MTMR12: variants seen among roughly 807,000 people sequenced by gnomAD.
MTMR12 encodes the protein myotubularin related protein 12.
MTMR12 carries 33 observed loss-of-function variants against 96.7 expected under a neutral mutation model. The ratio of observed to expected loss-of-function variants is 0.34; its 90% CI spans 0.26 to 0.46. The LOEUF is 0.46. Ranked by LOEUF, MTMR12 falls within the 20% of genes least tolerant of loss-of-function variation. The probability of loss-of-function intolerance (pLI) is 1.00; values close to 1 mark genes in which losing one functional copy is unlikely to be tolerated. For synonymous variants in MTMR12, 298 were observed against 327.2 expected, an observed-to-expected ratio of 0.91 and a Z score of 0.96; for missense variants, 721 against 896.1, an observed-to-expected ratio of 0.80 and a Z score of 2.49.
chr5:32,239,681 C>G (rs1171729305), intron 12 of MTMR12, among the ~76,000 whole-genome samples: 1 of 152,244 alleles, frequency 6.6e-6, no homozygotes, highest in Non-Finnish European at 1.5e-5. Flanking sequence ...TTCCTCCACT[C>G]CTAAGTCCTC....
intron 1 of MTMR12, among the ~76,000 whole-genome samples, chr5:32,279,317 G>A (rs762817218): frequency 6.6e-6 from 1 of 151,966 alleles, no homozygotes; most frequent in African/African-American, 2.4e-5. Flanking sequence ...GTACCTGGGA[G>A]GCTGAGGTGA....
At chr5:32,263,032 C>T in intron 7 of MTMR12, 81 bp downstream of exon 7, 12 of 1,538,544 alleles carry the variant, frequency 7.8e-6, no homozygotes, top group South Asian at 3.6e-5. Context: ...GATGACTGCA[C>T]AACCCTGTGA....
chr5:32,312,823 C>G lies in MTMR12; in HGVS notation c.16G>C (p.Val6Leu). Residue 6 changes from valine (V) to leucine (L), a missense_variant, in exon 1 of 16, where the codon GTA becomes CTA. Val to Leu is a conservative substitution (Grantham distance 32). Transcript: ENST00000382142. This position sits in a 1 kb window ranked among gnomAD's most constrained non-coding sequence, Gnocchi z 5.0. ...TTGGTGCCGCCGCCACCGCCGACTA[C>G]TCCTTTCCCCAGCATACCGCCGCCC... Reference protein sequence around the residue: MLGKGVVGGGGGTKAP... With the variant: MLGKGLVGGGGGTKAP... 2 of 1,531,672 alleles carry G rather than the reference C, an allele frequency of 1.3e-6. No individual in the cohort carries two copies. Among genetic ancestry groups the G allele is most frequent in the Non-Finnish European group, 1.8e-6 (2 of 1,142,660 alleles). The allele number at this position is 1,531,672 out of a possible 1,614,324, so 94.9% of individuals were successfully genotyped here. A position where few individuals can be genotyped will look rare whatever the true frequency, so the allele number is the denominator to read the frequency against.
intron 13 of MTMR12, among the ~76,000 whole-genome samples, chr5:32,237,102 A>G (rs62361328): frequency 0.025 from 3,802 of 152,334 alleles, 69 homozygotes; most frequent in Non-Finnish European, 0.039. Flanking sequence ...CCTTACGATC[A>G]GGAGCCATGG....
intron 3 of MTMR12, among the ~76,000 whole-genome samples, chr5:32,272,984 G>A (rs573137392): frequency 6.6e-6 from 1 of 152,278 alleles, no homozygotes; most frequent in Admixed American, 6.5e-5. Flanking sequence ...ATGTGCCTTG[G>A]TTGGGTTTCC....
Position 32,274,142 on chromosome 5 carries a change from G to A in MTMR12, c.143-20C>T, listed in dbSNP as rs767347404. The stretch of plus-strand genomic sequence containing the variant: ...GTTCACCTGGTAGAAACCAAAACAG[G>A]TCCTCCTTAGAGTTCTCAGGGAACA... On this transcript the variant is annotated intron_variant, in intron 2 of 15. Transcript: ENST00000382142. 2 of 1,613,130 alleles carry A rather than the reference G, an allele frequency of 1.2e-6. No homozygotes were observed. The highest frequency in any genetic ancestry group is 2.2e-5 in the South Asian group (2 of 90,886).
chr5:32,281,255 A>C (rs1185438200), intron 1 of MTMR12, among the ~76,000 whole-genome samples: 1 of 150,092 alleles, frequency 6.7e-6, no homozygotes, highest in East Asian at 2.0e-4. Context: ...CATTAAAAAA[A>C]AAAAAAAAAC....
At chr5:32,271,811 C>G (rs780762906) in intron 4 of MTMR12, 22 bp downstream of exon 4, 1 of 1,478,196 alleles carries the variant, frequency 6.8e-7, no homozygotes. Context: ...TGCCAACACC[C>G]CAGGGAAAAA....
chr5:32,307,214 CT>C (rs145308044), intron 1 of MTMR12, among the ~76,000 whole-genome samples: 3,697 of 152,122 alleles, frequency 0.024, 154 homozygotes, highest in African/African-American at 0.084. Context: ...TTATCTGTAC[CT>C]TTATTTTTCT....
intron 15 of MTMR12, among the ~76,000 whole-genome samples, chr5:32,230,861 A>T (rs1446344733): frequency 6.6e-6 from 1 of 152,250 alleles, no homozygotes; most frequent in East Asian, 1.9e-4. Context: ...TGGGTGAAAT[A>T]GCAGCTTATC....
rs139051029 is a variant in MTMR12 at position 32,251,486 on chromosome 5, A to C, written c.790-2608T>G. Among the ~76,000 whole-genome samples the C allele has an allele frequency of 6.6e-4, 100 of 152,304 alleles. 1 individual carries two copies. The East Asian group carries it at 0.017, about 26-fold the overall frequency. On this transcript the variant is annotated intron_variant, in intron 8 of 15. Transcript: ENST00000382142. ...GTCATCAGAGTCAAACACTGCAGTC[A>C]TGTAGGGAACTGGGGCTGCACACGA... is the stretch of plus-strand genomic sequence containing the variant.
intron 8 of MTMR12, among the ~76,000 whole-genome samples, chr5:32,252,222 CA>C (rs1414015738): frequency 1.3e-5 from 2 of 152,090 alleles, no homozygotes; most frequent in African/African-American, 4.8e-5. Context: ...GAAGTGAAGG[CA>C]GGGAAGAACA....
intron 6 of MTMR12, among the ~76,000 whole-genome samples, chr5:32,264,763 T>C (rs1459825853): frequency 6.6e-6 from 1 of 151,992 alleles, no homozygotes; most frequent in African/African-American, 2.4e-5. Flanking sequence ...CCAGCCTATA[T>C]TACATTTTAT....
At chr5:32,274,228 C>CA in intron 2 of MTMR12, 106 bp from the exon 3 acceptor site, 1 of 1,299,204 alleles carries the variant, frequency 7.7e-7, no homozygotes, top group Non-Finnish European at 1.1e-6. Context: ...ACATACAATA[C>CA]AACACAGGGC....
chr5:32,281,736 C>T (rs1356098766), intron 1 of MTMR12, among the ~76,000 whole-genome samples: 2 of 151,928 alleles, frequency 1.3e-5, no homozygotes, highest in African/African-American at 4.8e-5. Flanking sequence ...CCCGTCTCTA[C>T]TGAAAATATA....
At chr5:32,245,318 G>A (rs1488726834) in intron 10 of MTMR12, among the ~76,000 whole-genome samples, 1 of 152,134 alleles carries the variant, frequency 6.6e-6, no homozygotes, top group Non-Finnish European at 1.5e-5. Flanking sequence ...TTATACACGT[G>A]AGCTACTACG....
At chr5:32,269,030 T>TA (rs943941762) in intron 5 of MTMR12, among the ~76,000 whole-genome samples, 2 of 151,234 alleles carry the variant, frequency 1.3e-5, no homozygotes, top group African/African-American at 4.9e-5. Context: ...TTATTATTTT[T>TA]AACTTTTTTT....
chr5:32,302,719 G>A (rs1194095958), intron 1 of MTMR12, among the ~76,000 whole-genome samples: 8 of 143,956 alleles, frequency 5.6e-5, no homozygotes, highest in African/African-American at 1.3e-4. Flanking sequence ...GCAAGACTCC[G>A]TATAAAAAAA....
chr5:32,274,918 C>T (rs1749992040), intron 2 of MTMR12, among the ~76,000 whole-genome samples: 1 of 151,978 alleles, frequency 6.6e-6, no homozygotes, highest in Non-Finnish European at 1.5e-5. Flanking sequence ...CATCTGGAAG[C>T]AGAGGAGCTC....
Sources: gnomAD v4.1 joint callset for allele counts (sites outside exome capture counted in the v4.1 genomes callset) on GRCh38, gnomAD v4.1.1 for gene constraint, Gnocchi (gnomAD v3.1) non-coding constraint, MANE v1.5 for transcripts, NCBI Gene and HGNC (gene_info 2026-07-23, HGNC 2026-07-21) for gene names.